The following OR6N1 variants were observed in gnomAD, a reference collection of about 807,000 sequenced individuals.
The protein encoded by OR6N1 is olfactory receptor family 6 subfamily N member 1, also known as olfactory receptor 6N1.
For synonymous variants in OR6N1, 170 were observed against 150.7 expected (o/e 1.13, Z -0.94); for missense variants, 394 against 371.7 (o/e 1.06, Z -0.49).
the OR6N1 span, among the ~76,000 whole-genome samples, chr1:158,819,099 C>T: frequency 3.9e-5 from 6 of 152,192 alleles, no homozygotes; most frequent in Non-Finnish European, 8.8e-5. Flanking sequence ...ACAGCCACAA[C>T]TTCTGTAATT....
chr1:158,819,567 A>T, the OR6N1 span, among the ~76,000 whole-genome samples: 1 of 152,174 alleles, frequency 6.6e-6, no homozygotes, highest in Admixed American at 6.5e-5. Flanking sequence ...CTCCTTCTTT[A>T]AAGGAAAACA....
At chr1:158,777,424 A>C in the OR6N1 span, 4 of 1,614,122 alleles carry the variant, frequency 2.5e-6, no homozygotes, top group South Asian at 1.1e-5. Flanking sequence ...TGTATACCAC[A>C]ACTCCAAGAA....
chr1:158,788,653 A>C, the OR6N1 span, among the ~76,000 whole-genome samples: 1 of 152,106 alleles, frequency 6.6e-6, no homozygotes, highest in South Asian at 2.1e-4. Context: ...ATTTATCTTT[A>C]TTTAGCTGGA....
the OR6N1 span, among the ~76,000 whole-genome samples, chr1:158,791,469 A>ATTTTTT: frequency 8.6e-5 from 11 of 127,352 alleles, no homozygotes; most frequent in Non-Finnish European, 6.7e-5. Context: ...TATGATTTTG[A>ATTTTTT]TTTTTTTTTT....
chr1:158,788,517 A>G, the OR6N1 span, among the ~76,000 whole-genome samples: 1 of 151,948 alleles, frequency 6.6e-6, no homozygotes, highest in African/African-American at 2.4e-5. Context: ...TACAGTATAT[A>G]TTTTTGTTTT....
the OR6N1 span, among the ~76,000 whole-genome samples, chr1:158,835,921 G>A: frequency 6.6e-6 from 1 of 151,226 alleles, no homozygotes. Context: ...CTGGTAATGT[G>A]GTGTATTATC....
the OR6N1 span, among the ~76,000 whole-genome samples, chr1:158,815,633 T>TA: frequency 6.6e-6 from 1 of 152,142 alleles, no homozygotes; most frequent in African/African-American, 2.4e-5. Flanking sequence ...GAGGTATATG[T>TA]AAAACTAGGC....
chr1:158,831,767 T>C, the OR6N1 span, among the ~76,000 whole-genome samples: 2 of 152,192 alleles, frequency 1.3e-5, no homozygotes, highest in Non-Finnish European at 2.9e-5. Context: ...ATGTATTTTG[T>C]CTACAGCAGG....
At chr1:158,806,982 G>A in the OR6N1 span, among the ~76,000 whole-genome samples, 2 of 117,292 alleles carry the variant, frequency 1.7e-5, no homozygotes, top group Non-Finnish European at 3.2e-5. Flanking sequence ...CAGCCTGGGG[G>A]ACAAGAGCAA....
At chr1:158,820,256 G>A in the OR6N1 span, among the ~76,000 whole-genome samples, 74 of 152,304 alleles carry the variant, frequency 4.9e-4, no homozygotes, top group Middle Eastern at 3.4e-3. Flanking sequence ...CAGCGTGGGC[G>A]TCAAGGCCAT....
the OR6N1 span, among the ~76,000 whole-genome samples, chr1:158,834,824 C>T: frequency 1.4e-4 from 21 of 152,268 alleles, no homozygotes; most frequent in African/African-American, 5.1e-4. Context: ...AAGGGTTCAA[C>T]TTTTTGTATA....
chr1:158,809,462 G>C, the OR6N1 span: 1 of 152,182 alleles, frequency 6.6e-6, no homozygotes, highest in Non-Finnish European at 1.5e-5. Flanking sequence ...CTTTACACTA[G>C]AGGAACTGAA....
rs1268651102 is a variant in OR6N1 at position 158,764,626 on chromosome 1, A to G, written c.*1118T>C. 1 of 152,072 alleles carries G rather than the reference A, an allele frequency of 6.6e-6. No individual in the cohort carries two copies. The highest frequency in any genetic ancestry group is 1.5e-5 in the Non-Finnish European group (1 of 67,962). The allele number at this position is 152,072 out of a possible 1,614,324, so 9.4% of individuals were successfully genotyped here. Reference sequence around the variant, plus strand: ...AAAGATTTCTTGTAGTTAATATTTGATCCTCCATTCATGGAAGGATACATA... The same window carrying G: ...AAAGATTTCTTGTAGTTAATATTTGGTCCTCCATTCATGGAAGGATACATA... On this transcript the variant is annotated 3_prime_UTR_variant, in exon 2 of 2. Coordinates refer to ENST00000641846, the MANE Select transcript of OR6N1 (RefSeq NM_001005185.2).
chr1:158,778,313 A>G, the OR6N1 span, among the ~76,000 whole-genome samples: 9 of 152,224 alleles, frequency 5.9e-5, no homozygotes, highest in African/African-American at 2.2e-4. Flanking sequence ...GTGCCTGAGA[A>G]GTGGCTCATT....
intron 1 of OR6N1, 30 bp from the exon 2 acceptor site, chr1:158,766,730 G>C: frequency 7.1e-7 from 1 of 1,418,312 alleles, no homozygotes; most frequent in Non-Finnish European, 9.6e-7. Flanking sequence ...GGATAGGAAA[G>C]AAAGTTGAAC....
At chr1:158,770,390 A>G (rs574500082) in intron 1 of OR6N1, among the ~76,000 whole-genome samples, 12 of 152,298 alleles carry the variant, frequency 7.9e-5, no homozygotes, top group African/African-American at 2.9e-4. Context: ...CCAAGTTCAC[A>G]GTTCTCAGAG....
the OR6N1 span, among the ~76,000 whole-genome samples, chr1:158,789,498 T>C: frequency 1.3e-5 from 2 of 152,182 alleles, no homozygotes; most frequent in Non-Finnish European, 2.9e-5. Flanking sequence ...TCCTCATCCA[T>C]TTTACCCTCT....
At chr1:158,820,183 C>T in the OR6N1 span, among the ~76,000 whole-genome samples, 1 of 152,220 alleles carries the variant, frequency 6.6e-6, no homozygotes, top group Non-Finnish European at 1.5e-5. Context: ...ACTCCTTAAG[C>T]AGTTTTCCTC....
At chr1:158,824,367 C>CT in the OR6N1 span, among the ~76,000 whole-genome samples, 4 of 152,062 alleles carry the variant, frequency 2.6e-5, no homozygotes, top group African/African-American at 4.8e-5. Flanking sequence ...TCCAATAAAC[C>CT]TTTTTTTCTG....
Sources: gnomAD v4.1 joint callset for allele counts (sites outside exome capture counted in the v4.1 genomes callset) on GRCh38, gnomAD v4.1.1 for gene constraint, MANE v1.5 for transcripts, NCBI Gene and HGNC (gene_info 2026-07-23, HGNC 2026-07-21) for gene names.